The following PPFIA4 variants were observed in gnomAD, a reference collection of about 807,000 sequenced individuals.
PPFIA4 encodes the protein liprin-alpha-4.
PPFIA4 carries 98 observed loss-of-function variants against 145.7 expected under a neutral mutation model. The ratio of observed to expected loss-of-function variants is 0.67; its 90% CI spans 0.57 to 0.80. The LOEUF is 0.80. PPFIA4 is among the 30% of genes least tolerant of loss of function. The pLI is 0.00. For synonymous variants in PPFIA4, 628 were observed against 649.6 expected (o/e 0.97, Z 0.51); for missense variants, 1,457 against 1,632.7 (o/e 0.89, Z 1.85).
chr1:203,044,808 G>A, intron 6 of PPFIA4, 23 bp downstream of exon 6: 2 of 1,550,822 alleles, frequency 1.3e-6, no homozygotes, highest in African/African-American at 1.4e-5. Context: ...GAGCTGTGTA[G>A]CAGGGGTCAT....
chr1:203,046,452 G>T (rs1571687356), intron 9 of PPFIA4, 70 bp downstream of exon 9: 1 of 1,498,144 alleles, frequency 6.7e-7, no homozygotes, highest in East Asian at 2.5e-5. Flanking sequence ...GCCAGGCAGG[G>T]AAGGGAGCGC....
In PPFIA4 at chr1:203,075,946, C is replaced by T; in HGVS notation, c.3574+189C>T. 1.6e-6 allele frequency: 1 copy of T among 626,854 alleles called. No individual in the cohort carries two copies. The highest frequency in any genetic ancestry group is 1.9e-5 in the African/African-American group (1 of 52,038). 38.8% of individuals were successfully genotyped at this position (626,854 alleles called of 1,614,324 possible). ...TAACCCGCCGCTCTGTGTGTTCTCCCGCGGCTGCCGACTTCTCCCAGCTGG... is the reference window on the plus strand; with the variant it reads ...TAACCCGCCGCTCTGTGTGTTCTCCTGCGGCTGCCGACTTCTCCCAGCTGG... On this transcript the variant is annotated intron_variant, in intron 29 of 29. Transcript: ENST00000295706. The surrounding 1 kb of genome is among the most constrained non-coding windows in gnomAD (Gnocchi z 4.1).
chr1:203,045,792 G>C, intron 7 of PPFIA4, 49 bp from the exon 8 acceptor site: 1 of 1,611,886 alleles, frequency 6.2e-7, no homozygotes, highest in African/African-American at 1.3e-5. Flanking sequence ...AGACAGGATG[G>C]GGGCAAGGAA....
rs1387599707 is a variant in PPFIA4 at position 203,060,323 on chromosome 1, G to A, written c.2690G>A (p.Gly897Asp). The A allele has an allele frequency of 3.1e-6, 5 of 1,613,962 alleles. No homozygotes were observed. In the Admixed American group the frequency reaches 6.7e-5, roughly 22 times the overall value. Residue 897 changes from glycine to aspartate, a missense_variant, in exon 22 of 30, where the codon GGC (glycine) becomes GAC (aspartate). Physicochemically the swap from Gly to Asp is moderately conservative, Grantham distance 94 (BLOSUM62 -1). Coordinates refer to ENST00000295706, the MANE Select transcript of PPFIA4 (RefSeq NM_001304331.2). The surrounding 1 kb of genome is among the most constrained non-coding windows in gnomAD (Gnocchi z 4.8). Reference sequence around the variant, plus strand: ...GACACAGAGATCCAGCGGGAGATCGGCATCAGCAATGCCCTGCACCGGCTC... The same window carrying A: ...GACACAGAGATCCAGCGGGAGATCGACATCAGCAATGCCCTGCACCGGCTC... The part of the protein sequence containing the change: ...LSDTEIQREI[G>D]ISNALHRLKL...
chr1:203,041,020 A>C (rs534340744), intron 2 of PPFIA4, among the ~76,000 whole-genome samples: 1 of 152,024 alleles, frequency 6.6e-6, no homozygotes, highest in South Asian at 2.1e-4. Flanking sequence ...GTTCTTGACC[A>C]CTCCTCCAAA....
At chr1:203,044,476 G>T (rs971275458) in intron 5 of PPFIA4, 23 bp downstream of exon 5, 10 of 1,547,280 alleles carry the variant, frequency 6.5e-6, no homozygotes, top group Non-Finnish European at 7.9e-6. Flanking sequence ...CTCACCCTCA[G>T]TCTGCAGCTC....
At chr1:203,053,378 A>G (rs775306344) in intron 14 of PPFIA4, among the ~76,000 whole-genome samples, 1 of 151,992 alleles carries the variant, frequency 6.6e-6, no homozygotes, top group East Asian at 1.9e-4. Context: ...ACTAAAATAC[A>G]AAAAATCAGC....
chr1:203,046,643 C>CAA, intron 9 of PPFIA4: 1 of 364,470 alleles, frequency 2.7e-6, no homozygotes, highest in Non-Finnish European at 4.8e-6. Flanking sequence ...TATGTTGATG[C>CAA]AAAGTGTTTT....
chr1:203,044,719 A>T lies in PPFIA4; in HGVS notation c.600A>T (p.Ala200=), dbSNP rs1297676542. The T allele has an allele frequency of 7.7e-6, 12 of 1,561,174 alleles. No individual in the cohort carries two copies. Among genetic ancestry groups the T allele is most frequent in the Non-Finnish European group, 9.5e-6 (11 of 1,152,808 alleles). ...HQQVSALQQG[A]GVRDGAAEEE... is the part of the protein sequence containing the mutation. ...AGGTGTCTGCCCTGCAGCAGGGGGC[A>T]GGGGTGCGGGATGGAGCGGCAGAAG... The change falls in exon 6 of 30, where the codon GCA becomes GCT. Residue 200 remains alanine, a synonymous_variant. Transcript: ENST00000295706.
chr1:203,047,069 T>G (rs913523864), intron 9 of PPFIA4, among the ~76,000 whole-genome samples: 9 of 152,188 alleles, frequency 5.9e-5, no homozygotes, highest in African/African-American at 2.2e-4. Context: ...CTGGTCAGCC[T>G]CATATGGGAT....
At chr1:203,037,809 G>T (rs781307447) in intron 1 of PPFIA4, among the ~76,000 whole-genome samples, 1 of 152,178 alleles carries the variant, frequency 6.6e-6, no homozygotes, top group Non-Finnish European at 1.5e-5. Flanking sequence ...CACCCTAGGA[G>T]AGTGGCACCC....
chr1:203,034,062 A>T (rs1337429564), intron 1 of PPFIA4, among the ~76,000 whole-genome samples: 1 of 152,122 alleles, frequency 6.6e-6, no homozygotes, highest in Admixed American at 6.5e-5. Flanking sequence ...TACAGATGAG[A>T]TGATGTAAAG....
intron 14 of PPFIA4, 76 bp downstream of exon 14, chr1:203,051,953 G>A: frequency 6.7e-7 from 1 of 1,498,120 alleles, no homozygotes. Context: ...TACGCAGACG[G>A]CTGGTGTGTG....
chr1:203,028,295 G>A (rs138670570), intron 1 of PPFIA4, among the ~76,000 whole-genome samples: 1 of 152,124 alleles, frequency 6.6e-6, no homozygotes, highest in Non-Finnish European at 1.5e-5. Context: ...GGAGGGGCAG[G>A]GCATGGCAGG....
At position 203,070,585 on chromosome 1, in the gene PPFIA4, C is replaced by CAAA. The variant is rs571325182; in HGVS notation, c.3325-1088_3325-1086dup. Reference sequence around the variant, plus strand: ...CAACAGAATGAGACCCTGTCTCCCTCAAAAAAAAAAAAAAAAAAAAAGGTT... The same window carrying CAAA: ...CAACAGAATGAGACCCTGTCTCCCTCAAAAAAAAAAAAAAAAAAAAAAAAGGTT... On this transcript the variant is annotated intron_variant, in intron 27 of 29. Coordinates refer to ENST00000295706, the MANE Select transcript of PPFIA4 (RefSeq NM_001304331.2). Among the ~76,000 whole-genome samples, 285 of 77,346 alleles carry CAAA rather than the reference C, an allele frequency of 3.7e-3. 2 individuals carry two copies. The highest frequency in any genetic ancestry group is 0.013 in the Middle Eastern group (2 of 152). The allele number at this position is 77,346 out of a possible 152,430, so 50.7% of individuals were successfully genotyped here.
intron 27 of PPFIA4, among the ~76,000 whole-genome samples, chr1:203,069,192 AT>A: frequency 6.6e-6 from 1 of 152,328 alleles, no homozygotes; most frequent in East Asian, 1.9e-4. Context: ...ACATTTCATC[AT>A]TTTTATGGAG....
In PPFIA4 at chr1:203,031,654, T is replaced by G. The variant is rs188055519; in HGVS notation, c.-400+5025T>G. Among the ~76,000 whole-genome samples, 3 of 152,350 alleles carry G rather than the reference T, an allele frequency of 2.0e-5. No homozygotes were observed. In the East Asian group the frequency reaches 5.8e-4, roughly 29 times the overall value. The stretch of plus-strand genomic sequence containing the variant: ...CTGATGGGTTGATCTACGAATGCAG[T>G]GACTTTGAGCATTTTTTTACCACCA... On this transcript the variant is annotated intron_variant, in intron 1 of 29. Coordinates refer to ENST00000295706, the MANE Select transcript of PPFIA4 (RefSeq NM_001304331.2).
chr1:203,060,294 G>T lies in PPFIA4; in HGVS notation c.2661G>T (p.Leu887=). 1 of 1,614,104 alleles carries T rather than the reference G, an allele frequency of 6.2e-7. No homozygotes were observed. Among genetic ancestry groups the T allele is most frequent in the East Asian group, 2.2e-5 (1 of 44,874 alleles). The part of the protein sequence containing the change: ...NVKSGAIMSA[L]SDTEIQREIG... ...AGAGTGGTGCCATCATGTCCGCTCTGTCGGACACAGAGATCCAGCGGGAGA... is the reference window on the plus strand; with the variant it reads ...AGAGTGGTGCCATCATGTCCGCTCTTTCGGACACAGAGATCCAGCGGGAGA... The change falls in exon 22 of 30, where the codon CTG becomes CTT. Residue 887 remains leucine, a synonymous_variant. Coordinates refer to ENST00000295706, the MANE Select transcript of PPFIA4 (RefSeq NM_001304331.2). This position sits in a 1 kb window ranked among gnomAD's most constrained non-coding sequence, Gnocchi z 4.8.
Position 203,032,430 on chromosome 1 carries a change from T to TTTTTTTTTTTTTTTTTG in PPFIA4, c.-400+5803_-400+5804insTTTTTTTTTTTTTTGTT, listed in dbSNP as rs57892403. On this transcript the variant is annotated intron_variant, in intron 1 of 29. Transcript: ENST00000295706. ...CTTGTAGTTCTCCCTTCCCCGCTTT[T>TTTTTTTTTTTTTTTTTG]TTGTTGTTGTTGTTGTTTTTGAAAT... Among the ~76,000 whole-genome samples the TTTTTTTTTTTTTTTTTG allele has an allele frequency of 3.6e-5, 5 of 139,446 alleles. No individual in the cohort carries two copies. The South Asian group carries it at 7.0e-4, about 19-fold the overall frequency. 91.5% of individuals were successfully genotyped at this position (139,446 alleles called of 152,430 possible).
Sources: allele counts gnomAD v4.1 joint callset (sites outside exome capture counted in the v4.1 genomes callset), GRCh38; gene constraint gnomAD v4.1.1; non-coding constraint Gnocchi (gnomAD v3.1); transcripts MANE v1.5; gene names NCBI Gene and HGNC (gene_info 2026-07-23, HGNC 2026-07-21).